The following FBXO34 variants were observed in gnomAD, a reference collection of about 807,000 sequenced individuals.
FBXO34 encodes the protein F-box only protein 34.
Under a neutral mutation model 24.5 loss-of-function variants are expected in FBXO34, and 12 were observed. The ratio of observed to expected loss-of-function variants is 0.49; its 90% confidence interval spans 0.31 to 0.79. FBXO34 has a LOEUF of 0.79. Among genes scored for constraint, FBXO34 ranks in the 30% least tolerant of loss-of-function variants. FBXO34 has a pLI of 0.04. For missense variants in FBXO34, 823 were observed against 857.7 expected, an observed-to-expected ratio of 0.96 and a Z score of 0.51; for synonymous variants, 320 against 311.9, an observed-to-expected ratio of 1.03 and a Z score of -0.27.
intron 1 of FBXO34, among the ~76,000 whole-genome samples, chr14:55,289,203 A>C (rs1267431015): frequency 1.3e-5 from 2 of 151,936 alleles, no homozygotes; most frequent in Admixed American, 6.6e-5. Context: ...AGCATTTTTA[A>C]ATTTTGTTAT....
chr14:55,381,880 T>C, the FBXO34 span: 3 of 1,225,436 alleles, frequency 2.4e-6, no homozygotes, highest in Non-Finnish European at 3.5e-6. Context: ...AATGGTTCAC[T>C]TGAAAGCTCT....
chr14:55,299,640 G>A (rs998044037), intron 1 of FBXO34, among the ~76,000 whole-genome samples: 3 of 152,072 alleles, frequency 2.0e-5, no homozygotes, highest in Non-Finnish European at 4.4e-5. Context: ...TTAGATCTGA[G>A]TCTTAGTATC....
intron 1 of FBXO34, among the ~76,000 whole-genome samples, chr14:55,323,226 T>TATATATATATA (rs1491370677): frequency 3.9e-4 from 8 of 20,518 alleles, no homozygotes; most frequent in African/African-American, 3.6e-3. Context: ...AAAATATATA[T>TATATATATATA]TTTTTTTTTT....
At chr14:55,320,752 G>A (rs1425932598) in intron 1 of FBXO34, among the ~76,000 whole-genome samples, 2 of 152,114 alleles carry the variant, frequency 1.3e-5, no homozygotes, top group South Asian at 2.1e-4. Context: ...GCAAGACTCC[G>A]TCTAAAATAT....
chr14:55,361,016 A>G (rs1218689074), intron 3 of FBXO34, among the ~76,000 whole-genome samples: 2 of 151,986 alleles, frequency 1.3e-5, no homozygotes. Context: ...AAAAAAAAAA[A>G]GTTGATATTT....
intron 1 of FBXO34, among the ~76,000 whole-genome samples, chr14:55,333,104 C>T (rs1008481574): frequency 1.3e-5 from 2 of 152,166 alleles, no homozygotes; most frequent in African/African-American, 4.8e-5. Context: ...GACCTTGCCT[C>T]CTGCTTTGAG....
chr14:55,397,376 T>G, the FBXO34 span: 1 of 1,613,266 alleles, frequency 6.2e-7, no homozygotes, highest in Non-Finnish European at 8.5e-7. Flanking sequence ...ACTCACTCTT[T>G]CTGAAATTCT....
intron 1 of FBXO34, among the ~76,000 whole-genome samples, chr14:55,283,974 GTC>G (rs1437234927): frequency 3.6e-4 from 55 of 150,822 alleles, no homozygotes; most frequent in African/African-American, 1.1e-3. Context: ...GTGTGTGTGT[GTC>G]TGTGTGTGTG....
At position 55,289,950 on chromosome 14, in the gene FBXO34, T is replaced by G. The variant is rs58252662; in HGVS notation, c.-11+18413T>G. On this transcript the variant is annotated intron_variant, in intron 1 of 1. Transcript: ENST00000313833. ...AGTTTTTAAATTCTTTACATATTGGTGTATGAAGAGTGTATTTGTGATAGA... is the reference window on the plus strand; with the variant it reads ...AGTTTTTAAATTCTTTACATATTGGGGTATGAAGAGTGTATTTGTGATAGA... Among the ~76,000 whole-genome samples, 697 of 152,194 alleles carry G rather than the reference T, an allele frequency of 4.6e-3. 33 individuals are homozygous for G. The East Asian group carries it at 0.12, about 26-fold the overall frequency.
At chr14:55,382,103 G>C in the FBXO34 span, 3 of 1,614,092 alleles carry the variant, frequency 1.9e-6, no homozygotes, top group Non-Finnish European at 2.5e-6. Context: ...CGTCCTGAGA[G>C]GTAAGTTGTC....
chr14:55,293,852 C>T (rs192135546), intron 1 of FBXO34, among the ~76,000 whole-genome samples: 1 of 151,622 alleles, frequency 6.6e-6, no homozygotes, highest in Admixed American at 6.6e-5. Context: ...TTTTCCTTCC[C>T]TAGCACAGAT....
intron 1 of FBXO34, chr14:55,285,523 C>A (rs529437692): frequency 6.6e-6 from 1 of 151,948 alleles, no homozygotes; most frequent in South Asian, 2.1e-4. Flanking sequence ...TAACCACTGC[C>A]GTCCAGCATT....
At chr14:55,323,220 TATATA>T (rs1566555866) in intron 1 of FBXO34, among the ~76,000 whole-genome samples, 10 of 19,990 alleles carry the variant, frequency 5.0e-4, no homozygotes, top group East Asian at 2.9e-3. Context: ...AAAAAAAAAA[TATATA>T]TTTTTTTTTT....
chr14:55,370,160 T>G (rs1030357853), downstream of FBXO34, among the ~76,000 whole-genome samples: 1 of 152,242 alleles, frequency 6.6e-6, no homozygotes, highest in African/African-American at 2.4e-5. Flanking sequence ...CAAGTCTGCC[T>G]ACTTCATTGG....
chr14:55,300,303 C>T (rs1016694015), intron 1 of FBXO34, among the ~76,000 whole-genome samples: 5 of 152,020 alleles, frequency 3.3e-5, no homozygotes, highest in Non-Finnish European at 7.4e-5. Flanking sequence ...TTCAAGAAAC[C>T]ACGTTGTGGC....
the FBXO34 span, among the ~76,000 whole-genome samples, chr14:55,377,384 A>G: frequency 5.3e-5 from 8 of 152,078 alleles, no homozygotes; most frequent in Non-Finnish European, 1.2e-4. Flanking sequence ...TACGACGGAC[A>G]AGGAGTGAGG....
rs145190598 is a variant in FBXO34 at position 55,310,788 on chromosome 14, C to G, written c.-11+39251C>G. Among the ~76,000 whole-genome samples, 16 of 152,244 alleles carry G rather than the reference C, an allele frequency of 1.1e-4. No individual in the cohort carries two copies. In the East Asian group the frequency reaches 3.1e-3, roughly 29 times the overall value. ...TATCTATTTGCAGATTGCCTCAATT[C>G]TCTTTGCTAAGCAAATTTCTTAAAC... is the stretch of plus-strand genomic sequence containing the variant. On this transcript the variant is annotated intron_variant, in intron 1 of 1. Coordinates refer to ENST00000313833, the MANE Select transcript of FBXO34 (RefSeq NM_017943.4).
At chr14:55,427,979 C>CA in the FBXO34 span, among the ~76,000 whole-genome samples, 59,666 of 148,014 alleles carry the variant, frequency 0.4, 13,992 homozygotes, top group East Asian at 0.59. Context: ...GGGTTCACGC[C>CA]ATTCTCCTGC....
At chr14:55,299,603 A>G (rs1882276230) in intron 1 of FBXO34, among the ~76,000 whole-genome samples, 1 of 152,174 alleles carries the variant, frequency 6.6e-6, no homozygotes, top group Non-Finnish European at 1.5e-5. Flanking sequence ...TCCCCACCTA[A>G]CAAAACTAAC....
Sources: allele counts gnomAD v4.1 joint callset (sites outside exome capture counted in the v4.1 genomes callset), GRCh38; gene constraint gnomAD v4.1.1; transcripts MANE v1.5; gene names NCBI Gene and HGNC (gene_info 2026-07-23, HGNC 2026-07-21).